The following TRUB1 variants were observed in gnomAD, a reference collection of about 807,000 sequenced individuals.
TRUB1 encodes the protein TruB pseudouridine synthase family member 1.
A neutral mutation model predicts 33.9 loss-of-function variants in TRUB1; 23 were observed. The ratio of observed to expected loss-of-function variants is 0.68; its 90% confidence interval spans 0.49 to 0.96. TRUB1 has a LOEUF of 0.96. Among genes scored for constraint, TRUB1 ranks in the 40% least tolerant of loss-of-function variants. TRUB1 has a pLI of 0.00. For synonymous variants in TRUB1, 163 were observed against 165.4 expected (o/e 0.99, Z 0.11); for missense variants, 378 against 422.2 (o/e 0.90, Z 0.92).
chr10:114,939,826 CTTT>C (rs1226215746), intron 1 of TRUB1, among the ~76,000 whole-genome samples: 2 of 55,010 alleles, frequency 3.6e-5, no homozygotes, highest in Non-Finnish European at 4.4e-5. Context: ...GGTTTCTTTT[CTTT>C]TTTTTTTTTT....
chr10:114,960,958 A>G (rs1425977511), intron 4 of TRUB1, among the ~76,000 whole-genome samples: 1 of 152,088 alleles, frequency 6.6e-6, no homozygotes, highest in Non-Finnish European at 1.5e-5. Context: ...ATTATTCAGA[A>G]CAGTAGTCCT....
chr10:114,953,396 T>G (rs1452160475), intron 3 of TRUB1, among the ~76,000 whole-genome samples: 1 of 152,236 alleles, frequency 6.6e-6, no homozygotes, highest in Admixed American at 6.5e-5. Context: ...ATGTACCTGT[T>G]AAAAGAACTA....
chr10:114,950,206 T>C (rs11197007), intron 2 of TRUB1, among the ~76,000 whole-genome samples: 45,261 of 152,096 alleles, frequency 0.3, 7,899 homozygotes, highest in Non-Finnish European at 0.4. Context: ...CCTTTTAAAG[T>C]TGTTATAAGG....
chr10:114,943,209 G>C (rs2084196225), intron 2 of TRUB1, among the ~76,000 whole-genome samples: 2 of 152,168 alleles, frequency 1.3e-5, no homozygotes, highest in East Asian at 3.8e-4. Flanking sequence ...GGGTGCCTGA[G>C]TGATCATCCT....
intron 3 of TRUB1, among the ~76,000 whole-genome samples, chr10:114,952,749 T>TGAA (rs934849724): frequency 3.3e-4 from 51 of 152,314 alleles, no homozygotes; most frequent in South Asian, 1.0e-3. Context: ...TGCATTAGAA[T>TGAA]GAAGGTGTTT....
intron 3 of TRUB1, among the ~76,000 whole-genome samples, chr10:114,959,289 T>G (rs954477955): frequency 5.3e-5 from 8 of 152,186 alleles, no homozygotes; most frequent in Non-Finnish European, 1.0e-4. Flanking sequence ...AGTACTAAGT[T>G]GGCTTATTTA....
At chr10:114,971,479 G>T (rs1278137373) in intron 5 of TRUB1, among the ~76,000 whole-genome samples, 2 of 151,924 alleles carry the variant, frequency 1.3e-5, no homozygotes, top group East Asian at 3.9e-4. Context: ...TCTCTGAGGA[G>T]ACGCTTTTTA....
At position 114,938,385 on chromosome 10, in the gene TRUB1, TGCG is replaced by T; in HGVS notation, c.135_137del (p.Ala48del). The T allele has an allele frequency of 6.2e-7, 1 of 1,608,494 alleles. No individual in the cohort carries two copies. The highest frequency in any genetic ancestry group is 8.5e-7 in the Non-Finnish European group (1 of 1,177,452). The stretch of plus-strand genomic sequence containing the variant: ...CAGCAAGGGCTGCAGCCGCGGTGGT[TGCG>T]GCCGCGGCCAGGACCGGATCCGAAG... On this transcript the variant is annotated inframe_deletion, in exon 1 of 8. Coordinates refer to ENST00000298746, the MANE Select transcript of TRUB1 (RefSeq NM_139169.5).
At chr10:114,947,936 G>C (rs115702665) in intron 2 of TRUB1, among the ~76,000 whole-genome samples, 1,532 of 152,252 alleles carry the variant, frequency 0.01, 24 homozygotes, top group African/African-American at 0.036. Flanking sequence ...GAAAGATACA[G>C]GTCTTGTAAG....
chr10:114,944,929 G>A (rs912445261), intron 2 of TRUB1, among the ~76,000 whole-genome samples: 7 of 152,168 alleles, frequency 4.6e-5, no homozygotes, highest in Non-Finnish European at 7.3e-5. Flanking sequence ...AGGCTGCAGT[G>A]ATCTGTGATT....
intron 6 of TRUB1, among the ~76,000 whole-genome samples, chr10:114,972,476 G>C (rs150934372): frequency 1.3e-5 from 2 of 152,096 alleles, no homozygotes; most frequent in Non-Finnish European, 2.9e-5. Context: ...TCAGAAATGC[G>C]TTTCTAACTG....
At chr10:114,962,777 G>A (rs1160675480) in intron 4 of TRUB1, among the ~76,000 whole-genome samples, 1 of 152,176 alleles carries the variant, frequency 6.6e-6, no homozygotes, top group Non-Finnish European at 1.5e-5. Context: ...CTGAAACCAT[G>A]TCTCTTTTGG....
At chr10:114,974,426 A>G in intron 7 of TRUB1, 41 bp downstream of exon 7, 1 of 1,525,688 alleles carries the variant, frequency 6.6e-7, no homozygotes, top group Non-Finnish European at 9.1e-7. Flanking sequence ...TTTAGAGAAT[A>G]ATACTCCTTT....
chr10:114,946,160 T>G (rs1207523821), intron 2 of TRUB1, among the ~76,000 whole-genome samples: 2 of 152,164 alleles, frequency 1.3e-5, no homozygotes, highest in Non-Finnish European at 2.9e-5. Flanking sequence ...CTGCTTTAGT[T>G]ACTAACTGTA....
chr10:114,944,846 G>T (rs2084204836), intron 2 of TRUB1, among the ~76,000 whole-genome samples: 1 of 151,948 alleles, frequency 6.6e-6, no homozygotes, highest in East Asian at 1.9e-4. Context: ...TTAGCTGGGT[G>T]TGGTGACACA....
In TRUB1 at chr10:114,942,675, A is replaced by T; in HGVS notation, c.317A>T (p.Lys106Met). The T allele has an allele frequency of 1.2e-6, 2 of 1,614,048 alleles. No homozygotes were observed. The highest frequency in any genetic ancestry group is 1.7e-6 in the Non-Finnish European group (2 of 1,179,934). The stretch of plus-strand genomic sequence containing the variant: ...GGAATGCCTTCTCCAGAATGGACCA[A>T]GAGGAAAAAGCAGACTTTGAAAATT... ...EAGMPSPEWT[K>M]RKKQTLKIGH... is the part of the protein sequence containing the mutation. Residue 106 changes from lysine to methionine, a missense_variant, in exon 2 of 8, where the codon AAG becomes ATG. Physicochemically the swap from Lys to Met is moderately conservative, Grantham distance 95. Transcript: ENST00000298746.
chr10:114,940,480 G>T (rs1372779252), intron 1 of TRUB1, among the ~76,000 whole-genome samples: 1 of 152,158 alleles, frequency 6.6e-6, no homozygotes, highest in Non-Finnish European at 1.5e-5. Context: ...CATGATCAGT[G>T]GTTGTGTCCT....
intron 3 of TRUB1, among the ~76,000 whole-genome samples, chr10:114,958,441 A>T (rs924565090): frequency 6.6e-6 from 1 of 152,250 alleles, no homozygotes; most frequent in African/African-American, 2.4e-5. Flanking sequence ...TTAAGCTGTT[A>T]TAAAATGTCT....
chr10:114,948,427 T>C (rs1470263491), intron 2 of TRUB1, among the ~76,000 whole-genome samples: 3 of 152,210 alleles, frequency 2.0e-5, no homozygotes, highest in Admixed American at 2.0e-4. Context: ...CTCCCTATTA[T>C]ATTGTTAAAT....
Sources: allele counts gnomAD v4.1 joint callset (sites outside exome capture counted in the v4.1 genomes callset), GRCh38; gene constraint gnomAD v4.1.1; transcripts MANE v1.5; gene names NCBI Gene and HGNC (gene_info 2026-07-23, HGNC 2026-07-21).